RAD51B: variants seen among roughly 807,000 people sequenced by gnomAD.
RAD51B encodes RAD51 paralog B.
RAD51B carries 38 observed loss-of-function variants against 42.2 expected under a neutral mutation model. That is an observed-to-expected ratio of 0.90 (90% confidence interval 0.70 to 1.18). The LOEUF is 1.18. Among genes scored for constraint, RAD51B ranks in the 50% most tolerant of loss-of-function variants. The probability of loss-of-function intolerance (pLI) is 0.00; values close to 1 mark genes in which losing one functional copy is unlikely to be tolerated. For missense variants in RAD51B, 373 were observed against 400.7 expected (o/e 0.93, Z 0.59); for synonymous variants, 154 against 145.2 (o/e 1.06, Z -0.43).
intron 4 of RAD51B, among the ~76,000 whole-genome samples, chr14:67,849,074 G>A (rs1452180860): frequency 6.6e-6 from 1 of 152,032 alleles, no homozygotes; most frequent in Non-Finnish European, 1.5e-5. Flanking sequence ...CCATTATGTT[G>A]TCTGGATTTC....
chr14:68,075,750 G>A (rs150120937), intron 7 of RAD51B, among the ~76,000 whole-genome samples: 429 of 152,048 alleles, frequency 2.8e-3, no homozygotes, highest in Non-Finnish European at 4.5e-3. Context: ...TGAGCCAGGG[G>A]CGCTGCCTGG....
At chr14:68,575,768 A>G (rs1220676961) in intron 10 of RAD51B, among the ~76,000 whole-genome samples, 6 of 152,252 alleles carry the variant, frequency 3.9e-5, no homozygotes, top group Non-Finnish European at 8.8e-5. Flanking sequence ...ATAGCTTCAA[A>G]AGAGTCAGTG....
At chr14:68,202,401 A>G (rs190176090) in intron 7 of RAD51B, among the ~76,000 whole-genome samples, 1 of 152,220 alleles carries the variant, frequency 6.6e-6, no homozygotes, top group East Asian at 1.9e-4. Flanking sequence ...CCCATAGTAG[A>G]ACTTTAAAAA....
At chr14:68,567,253 C>T (rs1054997917) in intron 10 of RAD51B, among the ~76,000 whole-genome samples, 2 of 151,902 alleles carry the variant, frequency 1.3e-5, no homozygotes, top group Admixed American at 6.6e-5. Flanking sequence ...GAGCCAAGAT[C>T]GCGGCCACTG....
chr14:67,907,898 T>A (rs10467819), intron 7 of RAD51B, among the ~76,000 whole-genome samples: 7,927 of 152,194 alleles, frequency 0.052, 459 homozygotes, highest in African/African-American at 0.14. Context: ...TTAGGCATGA[T>A]CCTTTGTTGC....
chr14:68,404,592 C>A (rs2084212717), intron 8 of RAD51B, among the ~76,000 whole-genome samples: 2 of 152,168 alleles, frequency 1.3e-5, no homozygotes, highest in Non-Finnish European at 2.9e-5. Flanking sequence ...TCTATCACTG[C>A]AATCACCCTT....
At chr14:68,315,498 C>T (rs2082038886) in intron 8 of RAD51B, among the ~76,000 whole-genome samples, 1 of 152,026 alleles carries the variant, frequency 6.6e-6, no homozygotes, top group Non-Finnish European at 1.5e-5. Context: ...CTCTCTAGGC[C>T]CAAAGTAAAA....
intron 4 of RAD51B, among the ~76,000 whole-genome samples, chr14:67,847,210 A>G (rs951154435): frequency 3.3e-5 from 5 of 151,808 alleles, no homozygotes; most frequent in African/African-American, 1.2e-4. Context: ...CCAAAGTCCC[A>G]GTCACTTGGT....
chr14:67,887,137 A>T lies in RAD51B; in HGVS notation c.689A>T (p.Glu230Val). 6.2e-7 allele frequency: 1 copy of T among 1,612,264 alleles called. No individual in the cohort carries two copies. Among genetic ancestry groups the T allele is most frequent in the East Asian group, 2.2e-5 (1 of 44,788 alleles). Residue 230 changes from glutamate (E) to valine (V), a missense_variant, in exon 7 of 11, where the codon GAA (glutamate) becomes GTA (valine). Glu to Val is a moderately radical substitution (Grantham distance 121, BLOSUM62 -2). Coordinates refer to ENST00000471583, the MANE Select transcript of RAD51B (RefSeq NM_133510.4). ...FDAQLQGNLK[E>V]RNKFLAREAS... ...GCACAACTTCAAGGCAATCTCAAAG[A>T]AAGAAACAAGTTCTTGGCAAGAGAG...
At chr14:68,587,270 T>C (rs1890534916) in intron 10 of RAD51B, among the ~76,000 whole-genome samples, 1 of 152,190 alleles carries the variant, frequency 6.6e-6, no homozygotes, top group African/African-American at 2.4e-5. Flanking sequence ...AAAGCAAACC[T>C]GAGCTCCAGC....
At chr14:68,540,611 C>A in intron 10 of RAD51B, 1 of 985,236 alleles carries the variant, frequency 1.0e-6, no homozygotes, top group Non-Finnish European at 1.2e-6. Flanking sequence ...ATAATGACAC[C>A]CCCCAACCCA....
intron 7 of RAD51B, among the ~76,000 whole-genome samples, chr14:68,288,057 G>A (rs2081446602): frequency 6.6e-6 from 1 of 152,208 alleles, no homozygotes; most frequent in African/African-American, 2.4e-5. Context: ...AGAAGACTCA[G>A]TCTTTCCCAT....
intron 7 of RAD51B, among the ~76,000 whole-genome samples, chr14:68,072,071 A>AATG (rs2076754342): frequency 1.1e-5 from 1 of 87,820 alleles, no homozygotes; most frequent in Non-Finnish European, 2.1e-5. Context: ...ATTTATATAA[A>AATG]TATATAAATA....
chr14:68,354,706 A>C (rs1016197053), intron 8 of RAD51B, among the ~76,000 whole-genome samples: 1 of 151,934 alleles, frequency 6.6e-6, no homozygotes, highest in Non-Finnish European at 1.5e-5. Flanking sequence ...TGTCTCTACA[A>C]AAGATTTATT....
At chr14:68,302,000 T>A (rs953271139) in intron 8 of RAD51B, among the ~76,000 whole-genome samples, 1 of 152,032 alleles carries the variant, frequency 6.6e-6, no homozygotes, top group Non-Finnish European at 1.5e-5. Context: ...AAATAATTGA[T>A]GTTAATAAAT....
Position 68,477,941 on chromosome 14 carries a change from A to G in RAD51B, c.*277A>G. ...GTCAACAGCCATAATAATAATTTGCACTTATATAGCACCTTTCAACCAGGC... is the reference window on the plus strand; with the variant it reads ...GTCAACAGCCATAATAATAATTTGCGCTTATATAGCACCTTTCAACCAGGC... On this transcript the variant is annotated 3_prime_UTR_variant, in exon 11 of 11. Transcript: ENST00000471583. 8.0e-7 allele frequency: 1 copy of G among 1,256,394 alleles called. No homozygotes were observed. The highest frequency in any genetic ancestry group is 1.0e-6 in the Non-Finnish European group (1 of 999,888). 77.8% of individuals were successfully genotyped at this position (1,256,394 alleles called of 1,614,324 possible). A position where few individuals can be genotyped will look rare whatever the true frequency, so the allele number is the denominator to read the frequency against.
At chr14:68,450,206 C>CTTT (rs67536658) in intron 9 of RAD51B, among the ~76,000 whole-genome samples, 2 of 47,906 alleles carry the variant, frequency 4.2e-5, no homozygotes, top group Non-Finnish European at 6.8e-5. Flanking sequence ...GAGCTTAGGG[C>CTTT]TTTTTTTTTT....
At chr14:68,437,339 T>A (rs899767103) in intron 9 of RAD51B, among the ~76,000 whole-genome samples, 1 of 152,234 alleles carries the variant, frequency 6.6e-6, no homozygotes, top group Non-Finnish European at 1.5e-5. Context: ...GAACCAACCT[T>A]GCACCTCAGA....
intron 7 of RAD51B, among the ~76,000 whole-genome samples, chr14:68,144,944 A>G (rs1185631549): frequency 1.3e-5 from 2 of 152,132 alleles, no homozygotes; most frequent in Non-Finnish European, 2.9e-5. Flanking sequence ...CTGCCTGTAT[A>G]ATTTCCTCAA....
Sources: gnomAD v4.1 joint callset for allele counts (sites outside exome capture counted in the v4.1 genomes callset) on GRCh38, gnomAD v4.1.1 for gene constraint, MANE v1.5 for transcripts, NCBI Gene and HGNC (gene_info 2026-07-23, HGNC 2026-07-21) for gene names.